Variants in COL5A2 observed in about 807,000 individuals in gnomAD.
The protein encoded by COL5A2 is collagen type V alpha 2 chain.
A neutral mutation model predicts 208.2 loss-of-function variants in COL5A2; 23 were observed. The observed-to-expected ratio is 0.11, with a 90% CI of 0.08 to 0.16. The LOEUF (loss-of-function observed/expected upper bound fraction) is 0.16, where lower values mean the gene tolerates loss of function less well. Ranked by LOEUF, COL5A2 falls within the 10% of genes least tolerant of loss-of-function variation. The probability of loss-of-function intolerance (pLI) is 1.00; values close to 1 mark genes in which losing one functional copy is unlikely to be tolerated. For missense variants in COL5A2, 1,590 were observed against 1,956.4 expected (o/e 0.81, Z 3.53); for synonymous variants, 625 against 628.5 (o/e 0.99, Z 0.08).
the COL5A2 span, among the ~76,000 whole-genome samples, chr2:189,357,763 G>GA: frequency 1.0e-3 from 129 of 123,990 alleles, 1 homozygote; most frequent in South Asian, 3.9e-3. Flanking sequence ...ACTCGGGTAT[G>GA]AAAAAAAAAA....
At chr2:189,099,061 T>C (rs560352478) in intron 4 of COL5A2, among the ~76,000 whole-genome samples, 5 of 152,312 alleles carry the variant, frequency 3.3e-5, no homozygotes, top group African/African-American at 1.2e-4. Context: ...ACTTATCCTC[T>C]CTGTTCTTAA....
intron 6 of COL5A2, 53 bp from the exon 7 acceptor site, chr2:189,092,473 A>G (rs1686808912): frequency 9.2e-7 from 1 of 1,081,092 alleles, no homozygotes; most frequent in Admixed American, 2.0e-5. Flanking sequence ...TACACTTAGT[A>G]GAAAGCTAAA....
chr2:189,275,398 G>A, the COL5A2 span, among the ~76,000 whole-genome samples: 11 of 149,362 alleles, frequency 7.4e-5, no homozygotes, highest in Non-Finnish European at 1.3e-4. Context: ...TATAGTAAAT[G>A]TATATATAAA....
At chr2:189,147,868 A>G (rs895743367) in intron 1 of COL5A2, among the ~76,000 whole-genome samples, 3 of 152,136 alleles carry the variant, frequency 2.0e-5, no homozygotes, top group Admixed American at 2.0e-4. Context: ...AAGGAGGAAG[A>G]GAAGCTTTAT....
intron 1 of COL5A2, among the ~76,000 whole-genome samples, chr2:189,175,962 T>C (rs1314344835): frequency 6.6e-6 from 1 of 152,220 alleles, no homozygotes; most frequent in Non-Finnish European, 1.5e-5. Context: ...AGTAATGAGT[T>C]TAAAACAATT....
At chr2:189,300,912 C>T in the COL5A2 span, among the ~76,000 whole-genome samples, 2 of 152,124 alleles carry the variant, frequency 1.3e-5, no homozygotes, top group Non-Finnish European at 2.9e-5. Flanking sequence ...TCTGGCTGGG[C>T]ATGGTGGATC....
chr2:189,326,888 T>A, the COL5A2 span, among the ~76,000 whole-genome samples: 1 of 152,030 alleles, frequency 6.6e-6, no homozygotes, highest in Admixed American at 6.6e-5. Flanking sequence ...CTGTCCAGCA[T>A]GGTGAAACCA....
chr2:189,058,056 G>A (rs1685939010), intron 33 of COL5A2, among the ~76,000 whole-genome samples: 2 of 152,260 alleles, frequency 1.3e-5, no homozygotes, highest in South Asian at 4.2e-4. Flanking sequence ...TGAAACCTGA[G>A]ACAAGGAAAA....
the COL5A2 span, among the ~76,000 whole-genome samples, chr2:189,310,625 C>G: frequency 6.6e-6 from 1 of 152,142 alleles, no homozygotes; most frequent in Non-Finnish European, 1.5e-5. Flanking sequence ...AACTGCACTC[C>G]TGTGTTTGTG....
chr2:189,402,787 C>CTATAGTATAGTATAG, the COL5A2 span, among the ~76,000 whole-genome samples: 1,156 of 150,360 alleles, frequency 7.7e-3, 15 homozygotes, highest in African/African-American at 0.026. Context: ...GCTCTTTTGG[C>CTATAGTATAGTATAG]TATAGTATAG....
chr2:189,347,226 T>C, the COL5A2 span, among the ~76,000 whole-genome samples: 2 of 152,164 alleles, frequency 1.3e-5, no homozygotes, highest in Non-Finnish European at 2.9e-5. Context: ...TAAAGGTTAA[T>C]TGCATTGTAG....
At chr2:189,366,002 C>T in the COL5A2 span, among the ~76,000 whole-genome samples, 1 of 152,152 alleles carries the variant, frequency 6.6e-6, no homozygotes, top group South Asian at 2.1e-4. Flanking sequence ...TTCAGACATC[C>T]TATGATTGCC....
At chr2:189,320,052 C>T in the COL5A2 span, among the ~76,000 whole-genome samples, 1 of 152,214 alleles carries the variant, frequency 6.6e-6, no homozygotes. Context: ...TCCAGGCAAA[C>T]AGGGTCTGGA....
the COL5A2 span, among the ~76,000 whole-genome samples, chr2:189,288,257 C>A: frequency 6.6e-6 from 1 of 152,144 alleles, no homozygotes; most frequent in Admixed American, 6.6e-5. Flanking sequence ...GCAAACAAGT[C>A]TAGTCTTTGT....
the COL5A2 span, among the ~76,000 whole-genome samples, chr2:189,431,415 T>G: frequency 1.3e-5 from 2 of 152,212 alleles, no homozygotes; most frequent in East Asian, 3.9e-4. Context: ...AGAGCATGTT[T>G]TAACCCATCA....
chr2:189,084,097 G>T (rs935739460), intron 11 of COL5A2, 60 bp from the exon 12 acceptor site: 1 of 1,103,030 alleles, frequency 9.1e-7, no homozygotes, highest in Non-Finnish European at 1.4e-6. Context: ...GTTCTTCTCT[G>T]AAACTAAATG....
the COL5A2 span, among the ~76,000 whole-genome samples, chr2:189,399,710 ATC>A: frequency 6.6e-6 from 1 of 151,486 alleles, no homozygotes; most frequent in Admixed American, 6.6e-5. Flanking sequence ...TTGGTTGGTT[ATC>A]TGTTTGAAAC....
chr2:189,325,317 A>C, the COL5A2 span, among the ~76,000 whole-genome samples: 1 of 139,920 alleles, frequency 7.1e-6, no homozygotes. Flanking sequence ...AAGTATAATA[A>C]AAAAAAATAT....
the COL5A2 span, among the ~76,000 whole-genome samples, chr2:189,411,778 A>G: frequency 5.3e-5 from 8 of 151,978 alleles, no homozygotes; most frequent in South Asian, 6.2e-4. Context: ...ACAGCTTTCT[A>G]ATTAAAAAAC....
Sources: allele counts gnomAD v4.1 joint callset (sites outside exome capture counted in the v4.1 genomes callset), GRCh38; gene constraint gnomAD v4.1.1; transcripts MANE v1.5; gene names NCBI Gene and HGNC (gene_info 2026-07-23, HGNC 2026-07-21).